FUT9: variants seen among roughly 807,000 people sequenced by gnomAD.
FUT9 encodes 4-galactosyl-N-acetylglucosaminide 3-alpha-L-fucosyltransferase 9.
A neutral mutation model predicts 29.7 loss-of-function variants in FUT9; 15 were observed. The observed-to-expected ratio is 0.51, with a 90% CI of 0.34 to 0.78. The LOEUF (loss-of-function observed/expected upper bound fraction) is 0.78, where lower values mean the gene tolerates loss of function less well. Among genes scored for constraint, FUT9 ranks in the 30% least tolerant of loss-of-function variants. FUT9 has a pLI of 0.01. For synonymous variants in FUT9, 169 were observed against 153.7 expected (o/e 1.10, Z -0.74); for missense variants, 319 against 425.4 (o/e 0.75, Z 2.20).
At chr6:96,042,719 G>A (rs899105347) in intron 1 of FUT9, among the ~76,000 whole-genome samples, 2 of 152,082 alleles carry the variant, frequency 1.3e-5, no homozygotes, top group African/African-American at 4.8e-5. Context: ...GTATTAGCCC[G>A]TTGGGTTTAA....
intron 1 of FUT9, among the ~76,000 whole-genome samples, chr6:96,091,315 A>G (rs968075509): frequency 6.6e-6 from 1 of 152,114 alleles, no homozygotes; most frequent in South Asian, 2.1e-4. Flanking sequence ...ATAAATTAGA[A>G]TATTATTTTC....
chr6:96,137,627 T>A (rs1469800128), intron 2 of FUT9, among the ~76,000 whole-genome samples: 4 of 151,996 alleles, frequency 2.6e-5, no homozygotes, highest in Non-Finnish European at 2.9e-5. Context: ...CAATAATAAC[T>A]TGATATGATG....
intron 2 of FUT9, among the ~76,000 whole-genome samples, chr6:96,195,470 G>A (rs111941432): frequency 0.014 from 2,128 of 152,136 alleles, 51 homozygotes; most frequent in African/African-American, 0.049. Flanking sequence ...CAGTGTCTTC[G>A]TGCCAAAAAG....
At chr6:96,095,758 G>A (rs147521515) in intron 1 of FUT9, among the ~76,000 whole-genome samples, 91 of 152,190 alleles carry the variant, frequency 6.0e-4, no homozygotes, top group African/African-American at 2.1e-3. Flanking sequence ...ATGGCTAAGA[G>A]GACAGACCTT....
In FUT9 at chr6:96,204,138, G is replaced by A. The variant is rs142793962; in HGVS notation, c.983G>A (p.Arg328Gln). The A allele has an allele frequency of 1.3e-6, 2 of 1,495,268 alleles. No individual in the cohort carries two copies. The highest frequency in any genetic ancestry group is 1.8e-6 in the Non-Finnish European group (2 of 1,121,558). 92.6% of individuals were successfully genotyped at this position (1,495,268 alleles called of 1,614,324 possible). A position where few individuals can be genotyped will look rare whatever the true frequency, so the allele number is the denominator to read the frequency against. The change falls in exon 3 of 3, where the codon CGA (arginine) becomes CAA (glutamine). Residue 328 changes from arginine to glutamine, a missense_variant. Physicochemically the swap from Arg to Gln is conservative, Grantham distance 43. Coordinates refer to ENST00000302103, the MANE Select transcript of FUT9 (RefSeq NM_006581.4). ...WRKDFTVNLPRFWESHACLAC... is the reference protein window; with the variant it reads ...WRKDFTVNLPQFWESHACLAC... ...AAGGATTTCACTGTAAATCTTCCAC[G>A]ATTTTGGGAATCACATGCATGTTTG...
intron 1 of FUT9, among the ~76,000 whole-genome samples, chr6:96,088,383 T>G (rs889341379): frequency 4.6e-5 from 7 of 152,126 alleles, no homozygotes; most frequent in African/African-American, 1.7e-4. Context: ...TTCTTTAAAT[T>G]TATAGCTTTC....
At chr6:96,019,884 TC>T (rs1305807609) in intron 1 of FUT9, among the ~76,000 whole-genome samples, 1 of 152,120 alleles carries the variant, frequency 6.6e-6, no homozygotes, top group East Asian at 1.9e-4. Flanking sequence ...AGAATTCAAA[TC>T]CTGTTCTCCT....
At chr6:96,130,963 T>A (rs1404571833) in intron 2 of FUT9, among the ~76,000 whole-genome samples, 2 of 152,142 alleles carry the variant, frequency 1.3e-5, no homozygotes, top group Non-Finnish European at 2.9e-5. Flanking sequence ...CAGTACACCA[T>A]AGTGGTCGTC....
At chr6:96,059,512 G>A (rs1770835384) in intron 1 of FUT9, among the ~76,000 whole-genome samples, 1 of 152,178 alleles carries the variant, frequency 6.6e-6, no homozygotes, top group African/African-American at 2.4e-5. Flanking sequence ...AGCATCTACA[G>A]AGGAGGAATA....
At chr6:96,098,455 A>G (rs1430361887) in intron 1 of FUT9, among the ~76,000 whole-genome samples, 1 of 152,184 alleles carries the variant, frequency 6.6e-6, no homozygotes, top group Non-Finnish European at 1.5e-5. Flanking sequence ...CTAAAAGACT[A>G]TAGCTAGCTC....
intron 2 of FUT9, among the ~76,000 whole-genome samples, chr6:96,134,289 A>G (rs949747430): frequency 6.6e-5 from 10 of 151,950 alleles, no homozygotes; most frequent in South Asian, 6.2e-4. Flanking sequence ...AAATCATACC[A>G]TACATAATTT....
At chr6:96,138,244 CAAAG>C (rs1052022730) in intron 2 of FUT9, among the ~76,000 whole-genome samples, 1 of 152,096 alleles carries the variant, frequency 6.6e-6, no homozygotes, top group African/African-American at 2.4e-5. Context: ...ACTTTGTAAA[CAAAG>C]AAAGAGGAAT....
intron 2 of FUT9, among the ~76,000 whole-genome samples, chr6:96,160,911 G>T (rs1050715329): frequency 6.6e-6 from 1 of 151,988 alleles, no homozygotes; most frequent in Non-Finnish European, 1.5e-5. Flanking sequence ...TATGGGTGAC[G>T]GACAGAAATA....
chr6:96,094,628 G>A (rs571969983), intron 1 of FUT9, among the ~76,000 whole-genome samples: 3 of 152,136 alleles, frequency 2.0e-5, no homozygotes, highest in African/African-American at 7.2e-5. Context: ...TATCTCTCAT[G>A]GATAAGTAGA....
In FUT9 at chr6:96,100,466, A is replaced by T. The variant is rs141602535; in HGVS notation, c.-97-13573A>T. Among the ~76,000 whole-genome samples the T allele has an allele frequency of 2.6e-5, 4 of 152,370 alleles. No homozygotes were observed. The East Asian group carries it at 7.7e-4, about 29-fold the overall frequency. The stretch of plus-strand genomic sequence containing the variant: ...ATCTATGGGAGTACAGAGGATTTAA[A>T]GATGAAACTTTATAAAGTGAGAAAG... On this transcript the variant is annotated intron_variant, in intron 1 of 2. Transcript: ENST00000302103.
intron 2 of FUT9, among the ~76,000 whole-genome samples, chr6:96,125,107 A>G (rs975612652): frequency 6.6e-6 from 1 of 152,224 alleles, no homozygotes; most frequent in African/African-American, 2.4e-5. Flanking sequence ...TATCTGTAAA[A>G]TAGGAATTCT....
At chr6:96,029,556 G>A (rs1275889062) in intron 1 of FUT9, among the ~76,000 whole-genome samples, 2 of 151,564 alleles carry the variant, frequency 1.3e-5, no homozygotes, top group East Asian at 1.9e-4. Context: ...TGCCCCAAAC[G>A]AATGGCTTCA....
At chr6:96,016,884 A>G (rs957616152) in intron 1 of FUT9, among the ~76,000 whole-genome samples, 25 of 152,358 alleles carry the variant, frequency 1.6e-4, no homozygotes, top group African/African-American at 5.8e-4. Context: ...GCGTGAAAAA[A>G]TAAAGACAAA....
At chr6:96,062,785 C>G (rs1051252958) in intron 1 of FUT9, among the ~76,000 whole-genome samples, 2 of 151,728 alleles carry the variant, frequency 1.3e-5, no homozygotes, top group Non-Finnish European at 2.9e-5. Flanking sequence ...AAACTGTTTC[C>G]CCTTTGTAAA....
Sources: gnomAD v4.1 joint callset for allele counts (sites outside exome capture counted in the v4.1 genomes callset) on GRCh38, gnomAD v4.1.1 for gene constraint, MANE v1.5 for transcripts, NCBI Gene and HGNC (gene_info 2026-07-23, HGNC 2026-07-21) for gene names.